The following RANBP2 variants were observed in gnomAD, a reference collection of about 807,000 sequenced individuals.
RANBP2 encodes E3 SUMO-protein ligase RanBP2.
Under a neutral mutation model 303.6 loss-of-function variants are expected in RANBP2, and 57 were observed. The ratio of observed to expected loss-of-function variants is 0.19; its 90% CI spans 0.15 to 0.23. RANBP2 has a LOEUF of 0.23. Ranked by LOEUF, RANBP2 falls within the 10% of genes least tolerant of loss-of-function variation. RANBP2 has a pLI of 1.00. For synonymous variants in RANBP2, 1,167 were observed against 1,301.5 expected, an observed-to-expected ratio of 0.90 and a Z score of 2.23; for missense variants, 3,138 against 3,780.8, an observed-to-expected ratio of 0.83 and a Z score of 4.46.
chr2:109,099,907 C>T, the RANBP2 span, among the ~76,000 whole-genome samples: 2 of 152,082 alleles, frequency 1.3e-5, no homozygotes, highest in African/African-American at 2.4e-5. Flanking sequence ...GTGTTCATGG[C>T]GGGTCATCTA....
At chr2:109,022,028 C>T in the RANBP2 span, among the ~76,000 whole-genome samples, 1 of 152,176 alleles carries the variant, frequency 6.6e-6, no homozygotes, top group African/African-American at 2.4e-5. Flanking sequence ...TTACACAATT[C>T]GAAGGCTTTC....
chr2:109,580,181 C>CA, the RANBP2 span, among the ~76,000 whole-genome samples: 20,777 of 147,822 alleles, frequency 0.14, 1,880 homozygotes, highest in African/African-American at 0.26. Context: ...AACACAGATG[C>CA]AAAAAAAAAC....
chr2:109,567,072 A>T, the RANBP2 span, among the ~76,000 whole-genome samples: 1 of 152,224 alleles, frequency 6.6e-6, no homozygotes, highest in Admixed American at 6.5e-5. Flanking sequence ...ATGAAAAATC[A>T]GAAAAGGAAA....
chr2:109,723,003 C>T, the RANBP2 span, among the ~76,000 whole-genome samples: 1 of 152,172 alleles, frequency 6.6e-6, no homozygotes, highest in South Asian at 2.1e-4. Flanking sequence ...ATTGCTGGTT[C>T]ATACGGTATT....
the RANBP2 span, among the ~76,000 whole-genome samples, chr2:109,151,429 G>A: frequency 6.6e-6 from 1 of 152,146 alleles, no homozygotes; most frequent in Admixed American, 6.5e-5. Context: ...CTCCAAAGCA[G>A]CACCATCCAA....
At chr2:109,725,914 G>A in the RANBP2 span, among the ~76,000 whole-genome samples, 12 of 151,894 alleles carry the variant, frequency 7.9e-5, no homozygotes, top group Non-Finnish European at 1.0e-4. Flanking sequence ...TGTATTTTTA[G>A]TAGAGAGAGA....
At chr2:109,724,255 C>A in the RANBP2 span, among the ~76,000 whole-genome samples, 2 of 152,098 alleles carry the variant, frequency 1.3e-5, no homozygotes, top group Non-Finnish European at 2.9e-5. Context: ...TCTCAGGCTC[C>A]TTTTTGGTTC....
rs1269549308 is a variant in RANBP2 at position 108,781,373 on chromosome 2, G to A, written c.8704G>A (p.Glu2902Lys). The part of the protein sequence containing the change: ...KVGEDEDGSD[E>K]EVVHNEDIHF... ...TGGTGAAGATGAAGATGGTAGTGAT[G>A]AAGAAGTAGTTCATAATGAAGATAT... Residue 2902 changes from glutamate to lysine, a missense_variant, in exon 26 of 29, where the codon GAA (glutamate) becomes AAA (lysine). Coordinates refer to ENST00000283195, the MANE Select transcript of RANBP2 (RefSeq NM_006267.5). 1.2e-6 allele frequency: 2 copies of A among 1,614,162 alleles called. No individual in the cohort carries two copies. Among genetic ancestry groups the A allele is most frequent in the Non-Finnish European group, 8.5e-7 (1 of 1,180,008 alleles).
chr2:109,326,324 C>T, the RANBP2 span, among the ~76,000 whole-genome samples: 1 of 152,062 alleles, frequency 6.6e-6, no homozygotes. Context: ...AGACTATCTA[C>T]TTCACAGTTA....
At chr2:109,564,402 C>T in the RANBP2 span, 9 of 1,591,042 alleles carry the variant, frequency 5.7e-6, no homozygotes, top group African/African-American at 2.7e-5. Context: ...ATCTGTAAAG[C>T]CCATTTCCTC....
rs1677945982 is a variant in RANBP2, at chr2:108,777,148, C to T, written c.8516C>T (p.Ser2839Leu). 6.2e-7 allele frequency: 1 copy of T among 1,613,170 alleles called. No individual in the cohort carries two copies. Among genetic ancestry groups the T allele is most frequent in the Admixed American group, 1.7e-5 (1 of 59,992 alleles). Reference protein sequence around the residue: ...STSQGESKIVSFGFGSSTGLS... With the variant: ...STSQGESKIVLFGFGSSTGLS... ...TTGCCAGGGGAAAGCAAGATAGTTTCATTTGGATTTGGAAGTAGCACAGGG... is the reference window on the plus strand; with the variant it reads ...TTGCCAGGGGAAAGCAAGATAGTTTTATTTGGATTTGGAAGTAGCACAGGG... Residue 2839 changes from serine (S) to leucine (L), a missense_variant, in exon 25 of 29, where the codon TCA becomes TTA. This residue lies in a region of RANBP2 where 497 missense variants were observed against 465.8 expected (regional missense o/e 1.07). Coordinates refer to ENST00000283195, the MANE Select transcript of RANBP2 (RefSeq NM_006267.5).
chr2:109,671,158 GAGA>G, the RANBP2 span, among the ~76,000 whole-genome samples: 1 of 152,150 alleles, frequency 6.6e-6, no homozygotes, highest in Non-Finnish European at 1.5e-5. Context: ...TTCCTACCAG[GAGA>G]AGGAGGATCC....
chr2:109,190,828 T>TC, the RANBP2 span, among the ~76,000 whole-genome samples: 1 of 151,964 alleles, frequency 6.6e-6, no homozygotes, highest in South Asian at 2.1e-4. Flanking sequence ...TAAGGAGTGT[T>TC]CAATTCAGAA....
At chr2:109,459,526 G>T in the RANBP2 span, among the ~76,000 whole-genome samples, 1 of 152,126 alleles carries the variant, frequency 6.6e-6, no homozygotes, top group Non-Finnish European at 1.5e-5. Flanking sequence ...GTGATTGAGA[G>T]CGTGCTAGGA....
At chr2:109,119,231 A>T in the RANBP2 span, among the ~76,000 whole-genome samples, 3 of 152,194 alleles carry the variant, frequency 2.0e-5, no homozygotes, top group Non-Finnish European at 4.4e-5. Context: ...TTAACTACAG[A>T]GCAGAATGGA....
At chr2:109,504,936 TC>T in the RANBP2 span, among the ~76,000 whole-genome samples, 2 of 152,170 alleles carry the variant, frequency 1.3e-5, no homozygotes, top group Non-Finnish European at 2.9e-5. Context: ...GGTCTCCAGT[TC>T]CCCTCTAGGG....
chr2:109,716,497 G>A, the RANBP2 span, among the ~76,000 whole-genome samples: 3 of 151,852 alleles, frequency 2.0e-5, no homozygotes, highest in East Asian at 1.9e-4. Flanking sequence ...TGATCCACCC[G>A]CCTCGGCCTC....
chr2:108,740,893 C>T (rs1487794602), intron 7 of RANBP2, among the ~76,000 whole-genome samples: 1 of 151,564 alleles, frequency 6.6e-6, no homozygotes, highest in African/African-American at 2.4e-5. Flanking sequence ...TTGTTGAAAG[C>T]CTGCATTGCC....
the RANBP2 span, among the ~76,000 whole-genome samples, chr2:109,037,778 A>G: frequency 1.3e-5 from 2 of 152,254 alleles, no homozygotes; most frequent in African/African-American, 4.8e-5. Flanking sequence ...CGCTAAAATT[A>G]TAAAATGCTT....
Sources: allele counts gnomAD v4.1 joint callset (sites outside exome capture counted in the v4.1 genomes callset), GRCh38; gene constraint gnomAD v4.1.1; regional missense constraint gnomAD v4.1.1; transcripts MANE v1.5; gene names NCBI Gene and HGNC (gene_info 2026-07-23, HGNC 2026-07-21).